The following PDE4B variants were observed in gnomAD, a reference collection of about 807,000 sequenced individuals.
PDE4B encodes the protein phosphodiesterase 4B.
A neutral mutation model predicts 82.2 loss-of-function variants in PDE4B; 20 were observed. The ratio of observed to expected loss-of-function variants is 0.24; its 90% confidence interval spans 0.17 to 0.35. PDE4B has a LOEUF of 0.35. PDE4B is among the 10% of genes least tolerant of loss of function. The pLI, the probability that PDE4B is intolerant of heterozygous loss-of-function variation, is 1.00. For synonymous variants in PDE4B, 320 were observed against 318.9 expected, an observed-to-expected ratio of 1.00 and a Z score of -0.04; for missense variants, 655 against 907.2, an observed-to-expected ratio of 0.72 and a Z score of 3.57.
chr1:66,074,539 A>G (rs946613260), intron 3 of PDE4B, among the ~76,000 whole-genome samples: 1 of 152,132 alleles, frequency 6.6e-6, no homozygotes, highest in African/African-American at 2.4e-5. Context: ...CTTTTAGTAC[A>G]TAAACACTAT....
rs536121178 is a variant in PDE4B, at chr1:66,159,931, T to C, written c.282-87529T>C. On this transcript the variant is annotated intron_variant, in intron 3 of 16. Coordinates refer to ENST00000341517, the MANE Select transcript of PDE4B (RefSeq NM_002600.4). ...ATTAGGTGTTTGTAGTAGACATTTA[T>C]AGTTTTGTCAATCTGGAATAGCCTC... Among the ~76,000 whole-genome samples, 163 of 152,326 alleles carry C rather than the reference T, an allele frequency of 1.1e-3. 1 individual carries two copies. The highest frequency in any genetic ancestry group is 3.8e-3 in the African/African-American group (157 of 41,572).
At chr1:65,855,496 A>T (rs1285369673) in intron 1 of PDE4B, among the ~76,000 whole-genome samples, 2 of 151,874 alleles carry the variant, frequency 1.3e-5, no homozygotes, top group Non-Finnish European at 2.9e-5. Context: ...TTTACTGATT[A>T]CTCCAAGTGG....
chr1:66,360,989 T>C (rs1054895069), intron 9 of PDE4B, among the ~76,000 whole-genome samples: 5 of 152,206 alleles, frequency 3.3e-5, no homozygotes, highest in African/African-American at 7.2e-5. Context: ...ACCAAAATTA[T>C]AGTCTTCCTC....
Position 66,139,748 on chromosome 1 carries a change from A to C in PDE4B, c.282-107712A>C, listed in dbSNP as rs545140578. 4.5e-4 allele frequency among the ~76,000 whole-genome samples: 67 copies of C among 149,476 alleles called. No homozygotes were observed. The East Asian group carries it at 0.011, about 25-fold the overall frequency. ...CCCCTCCCCCCTCAAAAAAAAAAAA[A>C]AAAACAAAAAACAACAACCAATGGG... On this transcript the variant is annotated intron_variant, in intron 3 of 16. Transcript: ENST00000341517.
At chr1:66,170,360 T>C (rs576028834) in intron 3 of PDE4B, among the ~76,000 whole-genome samples, 25 of 152,328 alleles carry the variant, frequency 1.6e-4, no homozygotes, top group African/African-American at 6.0e-4. Flanking sequence ...TTGAGTACAT[T>C]TACACATTAA....
chr1:66,066,830 G>A (rs894564658), intron 3 of PDE4B, among the ~76,000 whole-genome samples: 3 of 151,846 alleles, frequency 2.0e-5, no homozygotes, highest in Admixed American at 6.6e-5. Flanking sequence ...TCTAACTAGC[G>A]ATGTGATTTT....
intron 7 of PDE4B, among the ~76,000 whole-genome samples, chr1:66,302,798 A>C (rs1181392161): frequency 6.6e-6 from 1 of 152,182 alleles, no homozygotes; most frequent in Admixed American, 6.6e-5. Flanking sequence ...CTATGCTGAG[A>C]TGATCGACAA....
intron 3 of PDE4B, among the ~76,000 whole-genome samples, chr1:66,192,297 A>G (rs1183674299): frequency 2.0e-5 from 3 of 152,186 alleles, no homozygotes; most frequent in African/African-American, 7.2e-5. Flanking sequence ...CTTTTTGCCT[A>G]TAAAATTTTA....
At chr1:66,106,350 T>C (rs9436314) in intron 3 of PDE4B, among the ~76,000 whole-genome samples, 63,423 of 151,526 alleles carry the variant, frequency 0.42, 14,555 homozygotes, top group Non-Finnish European at 0.5. Flanking sequence ...CAGTATTTTA[T>C]TGAGGATTTT....
chr1:66,249,730 A>G (rs1199274781), intron 4 of PDE4B, among the ~76,000 whole-genome samples: 1 of 144,176 alleles, frequency 6.9e-6, no homozygotes, highest in Non-Finnish European at 1.5e-5. Context: ...AAATTTAGGC[A>G]AGTAAAAATT....
At chr1:65,941,423 T>C (rs1648441289) in intron 3 of PDE4B, among the ~76,000 whole-genome samples, 1 of 152,054 alleles carries the variant, frequency 6.6e-6, no homozygotes, top group Admixed American at 6.6e-5. Flanking sequence ...TTCTATCTCT[T>C]GGGTTGGGAG....
At chr1:66,102,133 A>G (rs1439933831) in intron 3 of PDE4B, among the ~76,000 whole-genome samples, 1 of 152,136 alleles carries the variant, frequency 6.6e-6, no homozygotes, top group African/African-American at 2.4e-5. Context: ...GCCAAAGACC[A>G]GTTGTTTGTA....
At chr1:65,889,471 A>G (rs1443489650) in intron 1 of PDE4B, among the ~76,000 whole-genome samples, 2 of 152,070 alleles carry the variant, frequency 1.3e-5, no homozygotes, top group African/African-American at 4.8e-5. Context: ...AAGGTATCAG[A>G]TTCAATATTA....
chr1:65,939,420 G>A (rs1272927829), intron 3 of PDE4B, among the ~76,000 whole-genome samples: 1 of 152,106 alleles, frequency 6.6e-6, no homozygotes, highest in African/African-American at 2.4e-5. Flanking sequence ...CCACAGGCCT[G>A]ATAGAACAGC....
intron 7 of PDE4B, among the ~76,000 whole-genome samples, chr1:66,273,570 C>T (rs1001684608): frequency 1.3e-5 from 2 of 152,216 alleles, no homozygotes; most frequent in Admixed American, 1.3e-4. Flanking sequence ...CCCAAAATTA[C>T]TGTTAATTAT....
chr1:66,219,240 T>G lies in PDE4B; in HGVS notation c.282-28220T>G, dbSNP rs559626754. Among the ~76,000 whole-genome samples the G allele has an allele frequency of 9.2e-5, 14 of 152,220 alleles. No homozygotes were observed. The South Asian group carries it at 2.9e-3, about 32-fold the overall frequency. On this transcript the variant is annotated intron_variant, in intron 3 of 16. Coordinates refer to ENST00000341517, the MANE Select transcript of PDE4B (RefSeq NM_002600.4). ...ATGATGGCAGGGGTTAGTGGCAGTA[T>G]AGGTAGACATGTAATGCATGATAAT...
At chr1:66,058,722 A>G (rs937781876) in intron 3 of PDE4B, among the ~76,000 whole-genome samples, 3 of 152,088 alleles carry the variant, frequency 2.0e-5, no homozygotes, top group Admixed American at 6.5e-5. Context: ...GGATGCGGGA[A>G]CCAAGCCTAG....
At chr1:66,353,972 A>T (rs1374631367) in intron 8 of PDE4B, among the ~76,000 whole-genome samples, 1 of 152,166 alleles carries the variant, frequency 6.6e-6, no homozygotes, top group Non-Finnish European at 1.5e-5. Flanking sequence ...TAATGAGCTG[A>T]TGGAGGGCAG....
At chr1:65,898,433 A>T (rs572325478) in intron 1 of PDE4B, among the ~76,000 whole-genome samples, 28 of 151,630 alleles carry the variant, frequency 1.8e-4, no homozygotes, top group African/African-American at 6.5e-4. Context: ...GTATTTCCCC[A>T]CCATCATTCT....
Sources: gnomAD v4.1 joint callset for allele counts (sites outside exome capture counted in the v4.1 genomes callset) on GRCh38, gnomAD v4.1.1 for gene constraint, MANE v1.5 for transcripts, NCBI Gene and HGNC (gene_info 2026-07-23, HGNC 2026-07-21) for gene names.